The following ENPEP variants were observed in gnomAD, a reference collection of about 807,000 sequenced individuals.
The protein encoded by ENPEP is AP-A.
In ENPEP, 103 loss-of-function variants were observed where a neutral mutation model predicts 114.5. That is an observed-to-expected ratio of 0.90 (90% CI 0.77 to 1.06). The LOEUF (loss-of-function observed/expected upper bound fraction) is 1.06. Among genes scored for constraint, ENPEP ranks in the 50% least tolerant of loss-of-function variants. The pLI is 0.00. For missense variants in ENPEP, 1,196 were observed against 1,161.3 expected (o/e 1.03, Z -0.43); for synonymous variants, 420 against 422.0 (o/e 1.00, Z 0.06).
chr4:110,481,640 A>G (rs1724315402), intron 1 of ENPEP, among the ~76,000 whole-genome samples: 1 of 152,164 alleles, frequency 6.6e-6, no homozygotes, highest in South Asian at 2.1e-4. Flanking sequence ...ACTTCCACCA[A>G]TAACATCTCT....
intron 3 of ENPEP, among the ~76,000 whole-genome samples, chr4:110,499,664 A>C (rs1411853388): frequency 6.6e-6 from 1 of 152,220 alleles, no homozygotes; most frequent in Non-Finnish European, 1.5e-5. Flanking sequence ...ATACTTCTGC[A>C]GCAATTTTTT....
rs113251841 is a variant in ENPEP at position 110,561,391 on chromosome 4, C to T, written c.2722-15C>T. ...CTATAAATGACAATCCTAATTACTC[C>T]CCTCTCTTTTCTAGATGGAGAGCTT... On this transcript the variant is annotated splice_polypyrimidine_tract_variant and intron_variant, in intron 19 of 19. Transcript: ENST00000265162. 5.0e-6 allele frequency: 8 copies of T among 1,611,952 alleles called. No homozygotes were observed. The highest frequency in any genetic ancestry group is 4.0e-5 in the African/African-American group (3 of 74,828).
chr4:110,542,688 A>G (rs1726892829), intron 11 of ENPEP, 63 bp from the exon 12 acceptor site: 1 of 1,446,394 alleles, frequency 6.9e-7, no homozygotes, highest in Non-Finnish European at 9.2e-7. Context: ...CTCTGGGTCT[A>G]ATTTCTCTGT....
At chr4:110,558,071 G>T (rs569589888) in intron 18 of ENPEP, among the ~76,000 whole-genome samples, 1 of 34,342 alleles carries the variant, frequency 2.9e-5, no homozygotes. Context: ...TTGTTACCCA[G>T]ACTAGCCTTG....
At chr4:110,477,637 C>T (rs183836511) in intron 1 of ENPEP, among the ~76,000 whole-genome samples, 140 of 152,058 alleles carry the variant, frequency 9.2e-4, no homozygotes, top group African/African-American at 2.9e-3. Flanking sequence ...TTTCTGTCTC[C>T]GATGGCCAGG....
chr4:110,548,397 A>G, intron 14 of ENPEP, 71 bp downstream of exon 14: 1 of 1,315,724 alleles, frequency 7.6e-7, no homozygotes, highest in Non-Finnish European at 1.0e-6. Flanking sequence ...GCTTTCTGAG[A>G]GAAGGAGCTC....
intron 11 of ENPEP, among the ~76,000 whole-genome samples, chr4:110,535,158 A>G (rs1014115791): frequency 4.6e-5 from 7 of 152,170 alleles, no homozygotes; most frequent in African/African-American, 1.7e-4. Context: ...CTAAAACATA[A>G]TATTTTAAAA....
At chr4:110,544,599 T>A (rs1175678405) in intron 13 of ENPEP, among the ~76,000 whole-genome samples, 1 of 152,132 alleles carries the variant, frequency 6.6e-6, no homozygotes, top group African/African-American at 2.4e-5. Flanking sequence ...TGAAATAAGA[T>A]GATCAATAAG....
At chr4:110,482,397 G>T (rs1225366130) in intron 1 of ENPEP, among the ~76,000 whole-genome samples, 1 of 152,184 alleles carries the variant, frequency 6.6e-6, no homozygotes, top group East Asian at 1.9e-4. Context: ...TAGAAGGGAA[G>T]GTCGTAAGTT....
chr4:110,550,941 C>T (rs1292407105), intron 17 of ENPEP, among the ~76,000 whole-genome samples: 1 of 151,868 alleles, frequency 6.6e-6, no homozygotes, highest in Non-Finnish European at 1.5e-5. Context: ...TGCTCTCTGC[C>T]ATGACAGTTC....
chr4:110,528,664 C>T (rs541377232), intron 10 of ENPEP, among the ~76,000 whole-genome samples: 26 of 152,162 alleles, frequency 1.7e-4, no homozygotes, highest in Non-Finnish European at 2.8e-4. Flanking sequence ...ATCTCCATCC[C>T]GGGATGTCTC....
intron 11 of ENPEP, 96 bp from the exon 12 acceptor site, chr4:110,542,650 ATTTCT>A (rs766080634): frequency 3.6e-5 from 44 of 1,224,834 alleles, no homozygotes; most frequent in Non-Finnish European, 4.1e-5. Context: ...TTGAGCTAAT[ATTTCT>A]TTTCTTTTAT....
chr4:110,561,314 T>G, intron 19 of ENPEP, 92 bp from the exon 20 acceptor site: 1 of 1,363,746 alleles, frequency 7.3e-7, no homozygotes. Context: ...AATTTCTAGG[T>G]AAGAAGAAAG....
rs1727760251 is a variant in ENPEP, at chr4:110,564,160, AC to A, written c.*2607del. 1 of 151,716 alleles carries A rather than the reference AC, an allele frequency of 6.6e-6. No homozygotes were observed. Among genetic ancestry groups the A allele is most frequent in the Admixed American group, 6.6e-5 (1 of 15,230 alleles). 9.4% of individuals were successfully genotyped at this position (151,716 alleles called of 1,614,324 possible). The stretch of plus-strand genomic sequence containing the variant: ...TCCACATAACATTAATTTTTACAAA[AC>A]CCCCTTAAAGTAGATACTGTTATTG... On this transcript the variant is annotated 3_prime_UTR_variant, in exon 20 of 20. Transcript: ENST00000265162.
At chr4:110,545,977 A>G (rs145142234) in intron 13 of ENPEP, among the ~76,000 whole-genome samples, 4 of 152,110 alleles carry the variant, frequency 2.6e-5, no homozygotes, top group African/African-American at 7.2e-5. Flanking sequence ...GTTCCAGGAG[A>G]CACAGGTAAA....
At chr4:110,541,232 T>C (rs1726835121) in intron 11 of ENPEP, among the ~76,000 whole-genome samples, 1 of 152,076 alleles carries the variant, frequency 6.6e-6, no homozygotes, top group African/African-American at 2.4e-5. Context: ...GTTGGAGAGG[T>C]TACTCATATA....
chr4:110,492,652 G>A (rs986934557), intron 3 of ENPEP, among the ~76,000 whole-genome samples: 22 of 152,162 alleles, frequency 1.4e-4, no homozygotes, highest in African/African-American at 5.1e-4. Context: ...CGTGGTAAAG[G>A]GAACTACTAG....
intron 3 of ENPEP, among the ~76,000 whole-genome samples, chr4:110,503,839 G>A (rs1157032410): frequency 6.6e-6 from 1 of 152,228 alleles, no homozygotes; most frequent in Admixed American, 6.5e-5. Context: ...CGTTATGTTA[G>A]CAAAGTATTT....
intron 1 of ENPEP, among the ~76,000 whole-genome samples, chr4:110,478,123 CT>C (rs1369722250): frequency 6.6e-6 from 1 of 152,128 alleles, no homozygotes; most frequent in African/African-American, 2.4e-5. Flanking sequence ...ACAAATATCC[CT>C]TTTTTTCTGT....
Sources: gnomAD v4.1 joint callset for allele counts (sites outside exome capture counted in the v4.1 genomes callset) on GRCh38, gnomAD v4.1.1 for gene constraint, MANE v1.5 for transcripts, NCBI Gene and HGNC (gene_info 2026-07-23, HGNC 2026-07-21) for gene names.